Variants in MCTP2 observed in about 807,000 individuals in gnomAD.
MCTP2 encodes the protein multiple C2 and transmembrane domain-containing protein 2.
Under a neutral mutation model 111.6 loss-of-function variants are expected in MCTP2, and 132 were observed. The ratio of observed to expected loss-of-function variants is 1.18; its 90% CI spans 1.03 to 1.37. The LOEUF is 1.37. Ranked by LOEUF, MCTP2 falls within the 40% of genes most tolerant of loss-of-function variation. The pLI is 0.00. For missense variants in MCTP2, 1,183 were observed against 1,067.9 expected, an observed-to-expected ratio of 1.11 and a Z score of -1.50; for synonymous variants, 395 against 387.7, an observed-to-expected ratio of 1.02 and a Z score of -0.22.
intron 1 of MCTP2, among the ~76,000 whole-genome samples, chr15:94,249,177 A>G (rs1288278493): frequency 1.3e-5 from 2 of 152,184 alleles, no homozygotes; most frequent in Non-Finnish European, 2.9e-5. Flanking sequence ...TGCCTGTACC[A>G]TGTGAAGTGG....
At chr15:94,418,229 A>G (rs987125388) in intron 17 of MCTP2, among the ~76,000 whole-genome samples, 16 of 152,150 alleles carry the variant, frequency 1.1e-4, no homozygotes, top group African/African-American at 3.9e-4. Flanking sequence ...TTACAGTCCA[A>G]TTAGAATCCC....
chr15:94,310,414 A>G (rs2076071148), intron 2 of MCTP2, among the ~76,000 whole-genome samples: 3 of 152,186 alleles, frequency 2.0e-5, no homozygotes, highest in Admixed American at 1.3e-4. Flanking sequence ...TTATACAAAT[A>G]TATACAGGTG....
chr15:94,376,695 T>C (rs1372377928), intron 12 of MCTP2, among the ~76,000 whole-genome samples: 1 of 152,222 alleles, frequency 6.6e-6, no homozygotes, highest in African/African-American at 2.4e-5. Flanking sequence ...GTTAGACATA[T>C]AAGCTGATAA....
chr15:94,329,563 T>C (rs1239290527), intron 4 of MCTP2, among the ~76,000 whole-genome samples: 1 of 152,022 alleles, frequency 6.6e-6, no homozygotes. Context: ...TTTTAAACAA[T>C]CGGATCTCTT....
At chr15:94,242,453 G>T (rs1243039329) in intron 1 of MCTP2, among the ~76,000 whole-genome samples, 1 of 152,086 alleles carries the variant, frequency 6.6e-6, no homozygotes, top group African/African-American at 2.4e-5. Flanking sequence ...GCCTGCCTAC[G>T]CTGTTATGTC....
chr15:94,288,483 A>T (rs138772387), intron 1 of MCTP2, among the ~76,000 whole-genome samples: 1 of 152,224 alleles, frequency 6.6e-6, no homozygotes, highest in South Asian at 2.1e-4. Flanking sequence ...TAGCTATTGA[A>T]AACTAAACTG....
intron 17 of MCTP2, among the ~76,000 whole-genome samples, chr15:94,434,567 T>C (rs1174654315): frequency 6.6e-6 from 1 of 151,970 alleles, no homozygotes; most frequent in African/African-American, 2.4e-5. Flanking sequence ...GAGTAGGTGA[T>C]TTTTTTTCCC....
At chr15:94,321,378 T>C (rs1451380188) in intron 4 of MCTP2, among the ~76,000 whole-genome samples, 1 of 152,206 alleles carries the variant, frequency 6.6e-6, no homozygotes, top group East Asian at 1.9e-4. Context: ...CATTACACAT[T>C]GTATGCATGT....
chr15:94,345,082 C>G (rs1376331462), intron 7 of MCTP2, 47 bp from the exon 8 acceptor site: 2 of 1,602,850 alleles, frequency 1.2e-6, no homozygotes, highest in Non-Finnish European at 1.7e-6. Flanking sequence ...CTATCTTCCT[C>G]TGTTTTATTT....
chr15:94,270,838 T>C (rs2073869635), intron 1 of MCTP2, among the ~76,000 whole-genome samples: 1 of 152,218 alleles, frequency 6.6e-6, no homozygotes, highest in Admixed American at 6.5e-5. Context: ...CTCTTCCCTT[T>C]ACCATCACAG....
intron 17 of MCTP2, among the ~76,000 whole-genome samples, chr15:94,424,322 T>C (rs902793462): frequency 3.9e-5 from 6 of 152,122 alleles, no homozygotes; most frequent in African/African-American, 1.4e-4. Context: ...TTTTGGGTTT[T>C]TTTTTTCCAT....
intron 11 of MCTP2, among the ~76,000 whole-genome samples, chr15:94,368,275 G>T (rs1747000548): frequency 6.6e-6 from 1 of 152,176 alleles, no homozygotes; most frequent in Admixed American, 6.5e-5. Context: ...AACTAGTCTG[G>T]ATGATAAGAG....
chr15:94,383,885 G>A, intron 12 of MCTP2, 137 bp from the exon 13 acceptor site: 2 of 631,266 alleles, frequency 3.2e-6, no homozygotes, highest in Admixed American at 5.2e-5. Context: ...CCCACACAGG[G>A]CCTCCATGAC....
At chr15:94,478,162 C>T (rs547923377) in intron 22 of MCTP2, among the ~76,000 whole-genome samples, 10 of 152,298 alleles carry the variant, frequency 6.6e-5, no homozygotes, top group Admixed American at 3.9e-4. Flanking sequence ...TGCAACGTAC[C>T]ATCACTTGGG....
chr15:94,294,455 A>G (rs1226602479), intron 1 of MCTP2, among the ~76,000 whole-genome samples: 1 of 152,124 alleles, frequency 6.6e-6, no homozygotes, highest in Non-Finnish European at 1.5e-5. Flanking sequence ...CCTGCTTTCT[A>G]CTTGAATTTC....
At chr15:94,344,755 T>G (rs1189144648) in intron 7 of MCTP2, among the ~76,000 whole-genome samples, 3 of 152,214 alleles carry the variant, frequency 2.0e-5, no homozygotes, top group Non-Finnish European at 4.4e-5. Context: ...TGGTCATGAA[T>G]TTCTTAAACA....
intron 1 of MCTP2, among the ~76,000 whole-genome samples, chr15:94,232,814 G>T (rs1354953231): frequency 1.3e-5 from 2 of 152,124 alleles, no homozygotes; most frequent in Non-Finnish European, 2.9e-5. Context: ...TCATTAGCCT[G>T]ATCAGTCATT....
intron 1 of MCTP2, among the ~76,000 whole-genome samples, chr15:94,237,561 C>G (rs1440988422): frequency 6.6e-6 from 1 of 151,960 alleles, no homozygotes; most frequent in Non-Finnish European, 1.5e-5. Flanking sequence ...GACTTACTTT[C>G]CAATCTGACT....
intron 17 of MCTP2, among the ~76,000 whole-genome samples, chr15:94,406,663 T>C (rs1380048231): frequency 1.3e-5 from 2 of 152,174 alleles, no homozygotes; most frequent in African/African-American, 4.8e-5. Context: ...TTGGCATCCT[T>C]GGAATCCAGC....
Sources: gnomAD v4.1 joint callset for allele counts (sites outside exome capture counted in the v4.1 genomes callset) on GRCh38, gnomAD v4.1.1 for gene constraint, MANE v1.5 for transcripts, NCBI Gene and HGNC (gene_info 2026-07-23, HGNC 2026-07-21) for gene names.